The following MACROD1 variants were observed in gnomAD, a reference collection of about 807,000 sequenced individuals.
The protein encoded by MACROD1 is mono-ADP ribosylhydrolase 1.
In MACROD1, 31 loss-of-function variants were observed where a neutral mutation model predicts 41.4. The observed-to-expected ratio is 0.75, with a 90% CI of 0.56 to 1.01. The LOEUF (loss-of-function observed/expected upper bound fraction) is 1.01, where lower values mean the gene tolerates loss of function less well. Among genes scored for constraint, MACROD1 ranks in the 50% least tolerant of loss-of-function variants. The probability of loss-of-function intolerance (pLI) is 0.00; values close to 1 mark genes in which losing one functional copy is unlikely to be tolerated. For synonymous variants in MACROD1, 252 were observed against 203.4 expected, an observed-to-expected ratio of 1.24 and a Z score of -2.03; for missense variants, 473 against 460.0, an observed-to-expected ratio of 1.03 and a Z score of -0.26.
chr11:64,121,149 G>A (rs527283607), intron 3 of MACROD1, among the ~76,000 whole-genome samples: 2 of 152,228 alleles, frequency 1.3e-5, no homozygotes, highest in East Asian at 3.9e-4. Flanking sequence ...CCGAGACAAG[G>A]CCTGAGTGAT....
intron 3 of MACROD1, among the ~76,000 whole-genome samples, chr11:64,125,527 G>A (rs148706789): frequency 6.6e-6 from 1 of 152,232 alleles, no homozygotes; most frequent in African/African-American, 2.4e-5. Context: ...CCAGGCACGA[G>A]TGTTGGCAAC....
Position 63,998,938 on chromosome 11 carries a change from C to A in MACROD1, c.973+17G>T. On this transcript the variant is annotated intron_variant, in intron 9 of 10. Coordinates refer to ENST00000255681, the MANE Select transcript of MACROD1 (RefSeq NM_014067.4). ...ACCGGGGCAGGGGCGGGCCGTGGGG[C>A]GGCGCGGGGCACGTACCCACGGGGA... The A allele has an allele frequency of 1.3e-6, 2 of 1,557,566 alleles. No individual in the cohort carries two copies. The highest frequency in any genetic ancestry group is 1.9e-5 in the Admixed American group (1 of 53,842).
chr11:64,105,804 G>A (rs972068639), intron 3 of MACROD1, among the ~76,000 whole-genome samples: 4 of 152,190 alleles, frequency 2.6e-5, no homozygotes, highest in African/African-American at 7.2e-5. Flanking sequence ...GGAGGTGGGC[G>A]GGGAGGCTGC....
At chr11:64,038,513 G>C (rs1457896645) in intron 3 of MACROD1, among the ~76,000 whole-genome samples, 4 of 152,176 alleles carry the variant, frequency 2.6e-5, no homozygotes, top group Non-Finnish European at 5.9e-5. Context: ...GTAGAGCCCA[G>C]AGGCCAGCAC....
chr11:64,011,328 T>G (rs566676276), intron 4 of MACROD1, among the ~76,000 whole-genome samples: 15 of 151,312 alleles, frequency 9.9e-5, no homozygotes, highest in African/African-American at 3.6e-4. Context: ...TTGGCTGGCA[T>G]GTTGGTTGGG....
intron 3 of MACROD1, among the ~76,000 whole-genome samples, chr11:64,129,532 G>T (rs137975814): frequency 1.3e-5 from 2 of 152,316 alleles, no homozygotes; most frequent in South Asian, 4.1e-4. Context: ...CTCCTGGGGG[G>T]TTTCTCCCGC....
At chr11:64,105,654 C>T (rs2134573503) in intron 3 of MACROD1, among the ~76,000 whole-genome samples, 1 of 152,320 alleles carries the variant, frequency 6.6e-6, no homozygotes, top group East Asian at 1.9e-4. Context: ...TGAGTGACCC[C>T]ACAGGCTTGA....
chr11:64,074,872 G>C (rs1236989771), intron 3 of MACROD1, among the ~76,000 whole-genome samples: 1 of 152,198 alleles, frequency 6.6e-6, no homozygotes, highest in African/African-American at 2.4e-5. Context: ...CCAGGATCCT[G>C]AACATGCCCC....
intron 3 of MACROD1, among the ~76,000 whole-genome samples, chr11:64,041,271 C>T (rs961857078): frequency 6.9e-6 from 1 of 144,730 alleles, no homozygotes; most frequent in Non-Finnish European, 1.5e-5. Context: ...GGAGGGAATG[C>T]CTTCCGTGAG....
At chr11:64,163,384 C>T (rs1300098489) in intron 1 of MACROD1, among the ~76,000 whole-genome samples, 2 of 152,242 alleles carry the variant, frequency 1.3e-5, no homozygotes, top group African/African-American at 4.8e-5. Flanking sequence ...TAATTTCCCT[C>T]TCCTGGAGTA....
chr11:64,005,575 G>A (rs896148452), intron 4 of MACROD1, among the ~76,000 whole-genome samples: 6 of 152,264 alleles, frequency 3.9e-5, no homozygotes, highest in Non-Finnish European at 4.4e-5. Context: ...CCCTGTGACT[G>A]CAGCGTCTGG....
intron 1 of MACROD1, among the ~76,000 whole-genome samples, chr11:64,161,709 G>C (rs193194595): frequency 1.3e-5 from 2 of 152,128 alleles, no homozygotes; most frequent in Non-Finnish European, 2.9e-5. Flanking sequence ...TGCGGTGGGC[G>C]GATTGCTTGA....
intron 4 of MACROD1, among the ~76,000 whole-genome samples, chr11:64,006,327 G>A (rs542645004): frequency 4.2e-4 from 64 of 152,208 alleles, no homozygotes; most frequent in African/African-American, 1.5e-3. Flanking sequence ...CCTCCTGGTC[G>A]GCCATTCAAT....
In MACROD1 at chr11:64,000,273, C is replaced by T; in HGVS notation, c.618G>A (p.Lys206=). The T allele has an allele frequency of 1.2e-6, 2 of 1,605,580 alleles. No homozygotes were observed. ...CGCCGGTGATCTTGGCCTTGCCAGT[C>T]TTACAGCTCTGCAGGGTCCGGCACT... The part of the protein sequence containing the change: ...TDECRTLQSC[K]TGKAKITGGY... The change falls in exon 5 of 11, where the codon AAG becomes AAA. Residue 206 remains lysine (K), a synonymous_variant. Transcript: ENST00000255681.
intron 3 of MACROD1, among the ~76,000 whole-genome samples, chr11:64,104,576 G>T (rs1403867042): frequency 6.6e-6 from 1 of 152,116 alleles, no homozygotes; most frequent in African/African-American, 2.4e-5. Flanking sequence ...AGGAGCTCTG[G>T]TAACCTAGGC....
Position 64,153,375 on chromosome 11 carries a change from C to A in MACROD1, c.299-982G>T, listed in dbSNP as rs1229224404. Among the ~76,000 whole-genome samples the A allele has an allele frequency of 3.3e-5, 5 of 152,134 alleles. No individual in the cohort carries two copies. In the South Asian group the frequency reaches 6.2e-4, roughly 19 times the overall value. On this transcript the variant is annotated intron_variant, in intron 1 of 10. Transcript: ENST00000255681. Reference sequence around the variant, plus strand: ...TACAATTGAGAAACTCAAAAAGCATCAAAAAATATGTAGAGGCGGGAGAGC... The same window carrying A: ...TACAATTGAGAAACTCAAAAAGCATAAAAAAATATGTAGAGGCGGGAGAGC...
intron 3 of MACROD1, among the ~76,000 whole-genome samples, chr11:64,129,416 C>T (rs1391100462): frequency 3.3e-5 from 5 of 152,218 alleles, no homozygotes; most frequent in African/African-American, 4.8e-5. Context: ...AGAAACCACC[C>T]GCACCAACCC....
intron 3 of MACROD1, among the ~76,000 whole-genome samples, chr11:64,050,109 G>C (rs981104521): frequency 1.3e-5 from 2 of 152,094 alleles, no homozygotes; most frequent in Admixed American, 6.5e-5. Flanking sequence ...CCAGGCCCTC[G>C]GTCCTTATGC....
chr11:64,124,711 G>A (rs1439555362), intron 3 of MACROD1, among the ~76,000 whole-genome samples: 1 of 151,570 alleles, frequency 6.6e-6, no homozygotes, highest in African/African-American at 2.4e-5. Context: ...ACAGAGTTTT[G>A]CTCTTGTTGC....
Sources: gnomAD v4.1 joint callset for allele counts (sites outside exome capture counted in the v4.1 genomes callset) on GRCh38, gnomAD v4.1.1 for gene constraint, MANE v1.5 for transcripts, NCBI Gene and HGNC (gene_info 2026-07-23, HGNC 2026-07-21) for gene names.